STK11IP: variants seen among roughly 807,000 people sequenced by gnomAD.
STK11IP encodes the protein serine/threonine-protein kinase 11-interacting protein.
Under a neutral mutation model 131.7 loss-of-function variants are expected in STK11IP, and 103 were observed. That is an observed-to-expected ratio of 0.78 (90% CI 0.67 to 0.92). The LOEUF is 0.92. STK11IP is among the 40% of genes least tolerant of loss of function. The pLI is 0.00. For missense variants in STK11IP, 1,315 were observed against 1,385.7 expected, an observed-to-expected ratio of 0.95 and a Z score of 0.81; for synonymous variants, 557 against 575.6, an observed-to-expected ratio of 0.97 and a Z score of 0.46.
chr2:219,602,158 T>A, intron 5 of STK11IP, 75 bp downstream of exon 5: 1 of 1,070,352 alleles, frequency 9.3e-7, no homozygotes, highest in African/African-American at 1.6e-5. Context: ...TGTTCTCCCC[T>A]CTCTGCAGCT....
In STK11IP at chr2:219,608,642, A is replaced by G; in HGVS notation, c.1663A>G (p.Arg555Gly). The stretch of plus-strand genomic sequence containing the variant: ...GGAGGGGCCTGAGGGCGTACGGGGC[A>G]GGGAATGCTTTCTCAGGGTCACTTC... Reference protein sequence around the residue: ...PLEGPEGVRGRECFLRVTSAH... With the variant: ...PLEGPEGVRGGECFLRVTSAH... The change falls in exon 15 of 25, where the codon AGG becomes GGG. Residue 555 changes from arginine to glycine, a missense_variant. Transcript: ENST00000456909. 1 of 1,613,350 alleles carries G rather than the reference A, an allele frequency of 6.2e-7. No homozygotes were observed. The highest frequency in any genetic ancestry group is 1.7e-5 in the Admixed American group (1 of 59,986).
chr2:219,613,816 G>C lies in STK11IP; in HGVS notation c.2602G>C (p.Glu868Gln). 1 of 1,612,338 alleles carries C rather than the reference G, an allele frequency of 6.2e-7. No individual in the cohort carries two copies. The highest frequency in any genetic ancestry group is 8.5e-7 in the Non-Finnish European group (1 of 1,179,670). The change falls in exon 21 of 25, where the codon GAG (glutamate) becomes CAG (glutamine). Residue 868 changes from glutamate (E) to glutamine (Q), a missense_variant. Coordinates refer to ENST00000456909, the MANE Select transcript of STK11IP (RefSeq NM_052902.4). ...TCCCCTGCAGGATCTGAGTGGCATA[G>C]AGCTGGGCCTGGCAGGCCAGAGCCT... Reference protein sequence around the residue: ...AVPLQDLSGIELGLAGQSLRL... With the variant: ...AVPLQDLSGIQLGLAGQSLRL...
Position 219,609,141 on chromosome 2 carries a change from C to T in STK11IP, c.1854C>T (p.Phe618=). 1 of 1,610,050 alleles carries T rather than the reference C, an allele frequency of 6.2e-7. No homozygotes were observed. The highest frequency in any genetic ancestry group is 8.5e-7 in the Non-Finnish European group (1 of 1,178,356). Residue 618 remains phenylalanine (F), a synonymous_variant, in exon 16 of 25, where the codon TTC becomes TTT. Coordinates refer to ENST00000456909, the MANE Select transcript of STK11IP (RefSeq NM_052902.4). ...LPGAPILSLR[F]SYICPDRQLR... ...GAGCCCCCATCCTCAGTCTGCGCTTCTCCTACATCTGCCCTGACCGGCAGT... is the reference window on the plus strand; with the variant it reads ...GAGCCCCCATCCTCAGTCTGCGCTTTTCCTACATCTGCCCTGACCGGCAGT...
chr2:219,605,633 A>T lies in STK11IP; in HGVS notation c.644A>T (p.Asp215Val). The T allele has an allele frequency of 2.6e-6, 4 of 1,552,410 alleles. No individual in the cohort carries two copies. The highest frequency in any genetic ancestry group is 3.5e-6 in the Non-Finnish European group (4 of 1,147,386). Residue 215 changes from aspartate (D) to valine (V), a missense_variant, in exon 8 of 25, where the codon GAC (aspartate) becomes GTC (valine). Coordinates refer to ENST00000456909, the MANE Select transcript of STK11IP (RefSeq NM_052902.4). The part of the protein sequence containing the change: ...LMDLCELHHL[D>V]ISYNRLHLVP... ...GATTTGTGTGAGCTCCACCATCTGG[A>T]CATCTCCTATAATCGCCTGCATTTG...
Position 219,614,479 on chromosome 2 carries a change from A to G in STK11IP, c.2802A>G (p.Pro934=). 1 of 1,613,710 alleles carries G rather than the reference A, an allele frequency of 6.2e-7. No individual in the cohort carries two copies. The highest frequency in any genetic ancestry group is 1.7e-5 in the Admixed American group (1 of 60,014). The change falls in exon 23 of 25, where the codon CCA becomes CCG. Residue 934 remains proline, a synonymous_variant. Transcript: ENST00000456909. ...GTGCCTGCCATATTCCCTCTAGGCC[A>G]TTGCTGGAAAAAGACTCATCCTTGG... ...EEVTPQHRLW[P]LLEKDSSLEA... is the part of the protein sequence containing the mutation.
chr2:219,615,087 C>T lies in STK11IP; in HGVS notation c.2870-7C>T. The stretch of plus-strand genomic sequence containing the variant: ...ACCTTCCACACTGGATGCCTCTTTC[C>T]CTGCAGGCCCTTCCACCTGCCTCGT... On this transcript the variant is annotated splice_region_variant and splice_polypyrimidine_tract_variant and intron_variant, in intron 23 of 24. Coordinates refer to ENST00000456909, the MANE Select transcript of STK11IP (RefSeq NM_052902.4). 2 of 1,605,922 alleles carry T rather than the reference C, an allele frequency of 1.2e-6. No homozygotes were observed. The highest frequency in any genetic ancestry group is 8.5e-7 in the Non-Finnish European group (1 of 1,177,474).
chr2:219,614,378 T>G, intron 22 of STK11IP, 98 bp from the exon 23 acceptor site: 1 of 1,521,124 alleles, frequency 6.6e-7, no homozygotes. Context: ...CCCTAGTGTC[T>G]CCTCCCAACC....
At chr2:219,615,471 G>C (rs748426552) in intron 24 of STK11IP, 130 bp downstream of exon 24, 13 of 1,262,896 alleles carry the variant, frequency 1.0e-5, no homozygotes, top group Non-Finnish European at 1.4e-5. Context: ...TTACAGATGA[G>C]AGAACTAGGG....
chr2:219,614,187 T>C lies in STK11IP; in HGVS notation c.2743T>C (p.Trp915Arg), dbSNP rs1177799252. 1 of 1,613,482 alleles carries C rather than the reference T, an allele frequency of 6.2e-7. No individual in the cohort carries two copies. Among genetic ancestry groups the C allele is most frequent in the Non-Finnish European group, 8.5e-7 (1 of 1,179,734 alleles). ...TGTCTTGCAGTCTCTGCCCCCTGCC[T>C]GGAGGAACTGTGTCAGTGCCACAGA... ...LDVLQSLPPA[W>R]RNCVSATEEE... Residue 915 changes from tryptophan (W) to arginine (R), a missense_variant, in exon 22 of 25, where the codon TGG (tryptophan) becomes CGG (arginine). Transcript: ENST00000456909.
chr2:219,608,478 A>T, intron 14 of STK11IP, 48 bp downstream of exon 14: 1 of 1,533,356 alleles, frequency 6.5e-7, no homozygotes, highest in South Asian at 1.3e-5. Flanking sequence ...GGCCCTTGGG[A>T]TGTTTGTGAG....
In STK11IP at chr2:219,612,066, C is replaced by T; in HGVS notation, c.2439+8C>T. On this transcript the variant is annotated splice_region_variant and intron_variant, in intron 19 of 24. Coordinates refer to ENST00000456909, the MANE Select transcript of STK11IP (RefSeq NM_052902.4). Reference sequence around the variant, plus strand: ...TTCCAGTGCTGCCTCAAGGTCTGTGCTCCCTGACACTGCCCATGCCCCCAG... The same window carrying T: ...TTCCAGTGCTGCCTCAAGGTCTGTGTTCCCTGACACTGCCCATGCCCCCAG... 6 of 1,588,748 alleles carry T rather than the reference C, an allele frequency of 3.8e-6. No individual in the cohort carries two copies. The highest frequency in any genetic ancestry group is 5.1e-6 in the Non-Finnish European group (6 of 1,167,424).
rs778298502 is a variant in STK11IP at position 219,605,694 on chromosome 2, G to C, written c.705G>C (p.Gly235=). 36 of 1,582,158 alleles carry C rather than the reference G, an allele frequency of 2.3e-5. No homozygotes were observed. The highest frequency in any genetic ancestry group is 2.9e-5 in the Non-Finnish European group (34 of 1,164,294). The change falls in exon 8 of 25, where the codon GGG becomes GGC. Residue 235 remains glycine (G), a synonymous_variant. Transcript: ENST00000456909. ...PRMGPSGAAL[G]VLILRGNELR... Reference sequence around the variant, plus strand: ...TGGGACCCTCAGGGGCTGCTCTGGGGGTCCTGATACTGCGAGGCAATGAGC... The same window carrying C: ...TGGGACCCTCAGGGGCTGCTCTGGGCGTCCTGATACTGCGAGGCAATGAGC...
rs953018663 is a variant in STK11IP, at chr2:219,603,527, C to CT, written c.618+762dup. 5.3e-3 allele frequency among the ~76,000 whole-genome samples: 743 copies of CT among 140,392 alleles called. 5 individuals are homozygous for CT. Among genetic ancestry groups the CT allele is most frequent in the Middle Eastern group, 0.011 (3 of 268 alleles). The allele number at this position is 140,392 out of a possible 152,430, so 92.1% of individuals were successfully genotyped here. A position where few individuals can be genotyped will look rare whatever the true frequency, so the allele number is the denominator to read the frequency against. On this transcript the variant is annotated intron_variant, in intron 7 of 24. Transcript: ENST00000456909. ...AGTGGTAAGGACAGATTTTTTTTTT[C>CT]TTTTTTTTTTTGAGGCAGAGTCTTG...
chr2:219,599,726 A>G (rs978873305), intron 2 of STK11IP, among the ~76,000 whole-genome samples: 1 of 110,814 alleles, frequency 9.0e-6, no homozygotes, highest in Non-Finnish European at 1.8e-5. Flanking sequence ...TACCAACATC[A>G]GTGTCCTGAA....
chr2:219,604,372 G>T (rs1017319962), intron 7 of STK11IP, among the ~76,000 whole-genome samples: 2 of 152,176 alleles, frequency 1.3e-5, no homozygotes, highest in Non-Finnish European at 2.9e-5. Context: ...CCTGAGTAGG[G>T]TTTGATCAAG....
Position 219,608,260 on chromosome 2 carries a change from G to GC in STK11IP, c.1438dup (p.Gln480ProfsTer71), listed in dbSNP as rs757538606. 9.9e-6 allele frequency: 16 copies of GC among 1,613,498 alleles called. No homozygotes were observed. In the African/African-American group the frequency reaches 2.0e-4, roughly 20 times the overall value. ...TCACCCCCGCAGGAGGAAGCCAGAG[G>GC]CCCCCAGGAGTCACCACAGAAAATG... On this transcript the variant is annotated frameshift_variant, in exon 14 of 25. Transcript: ENST00000456909. LOFTEE classifies it high-confidence loss of function.
chr2:219,601,544 G>T, intron 3 of STK11IP, 97 bp from the exon 4 acceptor site: 1 of 1,553,292 alleles, frequency 6.4e-7, no homozygotes, highest in South Asian at 1.2e-5. Context: ...AGGATCCAGA[G>T]GGTGTCAGAG....
At position 219,608,249 on chromosome 2, in the gene STK11IP, G is replaced by A. The variant is rs1266873702; in HGVS notation, c.1422G>A (p.Glu474=). 2 of 1,613,586 alleles carry A rather than the reference G, an allele frequency of 1.2e-6. No individual in the cohort carries two copies. The highest frequency in any genetic ancestry group is 1.7e-6 in the Non-Finnish European group (2 of 1,179,866). ...DTAPRPSPPQ[E]EARGPQESPQ... is the part of the protein sequence containing the mutation. ...CACCCAGACCTTCACCCCCGCAGGA[G>A]GAAGCCAGAGGCCCCCAGGAGTCAC... Residue 474 remains glutamate, a synonymous_variant, in exon 14 of 25, where the codon GAG becomes GAA. Coordinates refer to ENST00000456909, the MANE Select transcript of STK11IP (RefSeq NM_052902.4).
At chr2:219,609,247 G>C (rs779130359) in intron 16 of STK11IP, 34 bp downstream of exon 16, 1 of 1,577,024 alleles carries the variant, frequency 6.3e-7, no homozygotes, top group South Asian at 1.2e-5. Context: ...CCAGGAGGCT[G>C]TGGGGATTAA....
Sources: gnomAD v4.1 joint callset for allele counts (sites outside exome capture counted in the v4.1 genomes callset) on GRCh38, gnomAD v4.1.1 for gene constraint, MANE v1.5 for transcripts, NCBI Gene and HGNC (gene_info 2026-07-23, HGNC 2026-07-21) for gene names.